ST6GALNAC6: variants seen among roughly 807,000 people sequenced by gnomAD.
ST6GALNAC6 encodes alpha-N-acetylgalactosaminide alpha-2,6-sialyltransferase 6.
A neutral mutation model predicts 34.3 loss-of-function variants in ST6GALNAC6; 19 were observed. That is an observed-to-expected ratio of 0.55 (90% confidence interval 0.39 to 0.81). ST6GALNAC6 has a LOEUF of 0.81. Ranked by LOEUF, ST6GALNAC6 falls within the 40% of genes least tolerant of loss-of-function variation. ST6GALNAC6 has a pLI of 0.00. For missense variants in ST6GALNAC6, 377 were observed against 467.7 expected, an observed-to-expected ratio of 0.81 and a Z score of 1.79; for synonymous variants, 185 against 182.1, an observed-to-expected ratio of 1.02 and a Z score of -0.13.
At chr9:127,893,081 C>T (rs12551437) in intron 4 of ST6GALNAC6, among the ~76,000 whole-genome samples, 6,237 of 152,174 alleles carry the variant, frequency 0.041, 150 homozygotes, top group South Asian at 0.087. Flanking sequence ...AGAAGCTGTC[C>T]GGCTGTAACA....
At chr9:127,902,169 T>A (rs1250924418), upstream of ST6GALNAC6, among the ~76,000 whole-genome samples, 3 of 152,186 alleles carry the variant, frequency 2.0e-5, no homozygotes, top group African/African-American at 7.2e-5. Context: ...GGTTTTTTGT[T>A]TTTTATTGAG....
chr9:127,902,890 A>C (rs1830807515), upstream of ST6GALNAC6: 1 of 150,028 alleles, frequency 6.7e-6, no homozygotes, highest in Non-Finnish European at 1.5e-5. Flanking sequence ...CACCCAGCCC[A>C]CACAATTTTT....
intron 4 of ST6GALNAC6, among the ~76,000 whole-genome samples, chr9:127,891,362 T>C (rs1830123639): frequency 1.3e-5 from 2 of 152,216 alleles, no homozygotes; most frequent in Admixed American, 6.5e-5. Context: ...ATGCCTGTAA[T>C]CCCAGCACTT....
chr9:127,905,311 G>A (rs1830889116), exon 1 of ST6GALNAC6: 1 of 985,424 alleles, frequency 1.0e-6, no homozygotes, highest in Non-Finnish European at 1.2e-6. Flanking sequence ...ACCTGTCAAG[G>A]ATCATCTCCA....
At chr9:127,886,876 C>A in intron 6 of ST6GALNAC6, 88 bp from the exon 7 acceptor site, 2 of 1,347,980 alleles carry the variant, frequency 1.5e-6, no homozygotes, top group Non-Finnish European at 2.0e-6. Flanking sequence ...CATAGGACCT[C>A]AATAGGAGAA....
At chr9:127,898,379 G>A (rs570472309) in intron 1 of ST6GALNAC6, among the ~76,000 whole-genome samples, 1 of 152,074 alleles carries the variant, frequency 6.6e-6, no homozygotes, top group East Asian at 1.9e-4. Context: ...GCGACAGAGC[G>A]AGACTCCGTC....
At position 127,896,310 on chromosome 9, in the gene ST6GALNAC6, G is replaced by C; in HGVS notation, c.49C>G (p.Pro17Ala). Reference protein sequence around the residue: ...PSQCEPTSLPPGPPAGRRHLP... With the variant: ...PSQCEPTSLPAGPPAGRRHLP... The stretch of plus-strand genomic sequence containing the variant: ...TGTCGGCGTCCTGCAGGTGGCCCTG[G>C]GGGCAGGGATGTGGGTTCACACCTG... The change falls in exon 3 of 7, where the codon CCA becomes GCA. Residue 17 changes from proline (P) to alanine (A), a missense_variant. Physicochemically the swap from Pro to Ala is conservative, Grantham distance 27 (BLOSUM62 -1). Transcript: ENST00000373146. 1 of 1,613,596 alleles carries C rather than the reference G, an allele frequency of 6.2e-7. No individual in the cohort carries two copies. The highest frequency in any genetic ancestry group is 1.1e-5 in the South Asian group (1 of 91,008).
chr9:127,903,214 G>A (rs1277503213), upstream of ST6GALNAC6: 1 of 151,272 alleles, frequency 6.6e-6, no homozygotes, highest in South Asian at 2.1e-4. Context: ...AGCCAGGATG[G>A]TCTCCATCTC....
chr9:127,906,588 G>A (rs1057090392), upstream of ST6GALNAC6, among the ~76,000 whole-genome samples: 12 of 152,162 alleles, frequency 7.9e-5, 1 homozygote, highest in Admixed American at 5.2e-4. Flanking sequence ...TGTAAAACCA[G>A]CTAGCACCAG....
upstream of ST6GALNAC6, chr9:127,904,057 A>G (rs1278936412): frequency 3.3e-5 from 5 of 152,192 alleles, no homozygotes; most frequent in Admixed American, 6.5e-5. Flanking sequence ...AACCATCTCA[A>G]TAACAGTAAT....
At chr9:127,902,216 C>T (rs1830781677), upstream of ST6GALNAC6, among the ~76,000 whole-genome samples, 1 of 151,708 alleles carries the variant, frequency 6.6e-6, no homozygotes, top group African/African-American at 2.4e-5. Flanking sequence ...TGGAGTGCAA[C>T]GGTTCAATCT....
chr9:127,906,007 C>A, upstream of ST6GALNAC6: 1 of 985,738 alleles, frequency 1.0e-6, no homozygotes, highest in Non-Finnish European at 1.2e-6. Context: ...CTTGCTTCGC[C>A]AGCTCAGGGC....
rs565298864 is a variant in ST6GALNAC6 at position 127,887,683 on chromosome 9, C to T, written c.705-92G>A. The T allele has an allele frequency of 4.9e-6, 5 of 1,017,374 alleles. No individual in the cohort carries two copies. The South Asian group carries it at 7.1e-5, about 14-fold the overall frequency. The allele number at this position is 1,017,374 out of a possible 1,614,324, so 63.0% of individuals were successfully genotyped here. On this transcript the variant is annotated intron_variant, in intron 5 of 6. Coordinates refer to ENST00000373146, the MANE Select transcript of ST6GALNAC6 (RefSeq NM_013443.5). ...CACCCACGTGGAGTTCCCTGGAACT[C>T]CTCCCATCCACTCATCAGGGCCCCA... is the stretch of plus-strand genomic sequence containing the variant.
At chr9:127,897,092 G>C in intron 2 of ST6GALNAC6, 3 of 899,682 alleles carry the variant, frequency 3.3e-6, no homozygotes, top group Non-Finnish European at 4.0e-6. Context: ...GGGGTGGCTG[G>C]GGGGGCCTTT....
At position 127,886,593 on chromosome 9, in the gene ST6GALNAC6, G is replaced by T; in HGVS notation, c.*6C>A. 6.2e-7 allele frequency: 1 copy of T among 1,613,734 alleles called. No individual in the cohort carries two copies. Among genetic ancestry groups the T allele is most frequent in the Non-Finnish European group, 8.5e-7 (1 of 1,179,836 alleles). ...GACCCTCCTGAGGTCCCACAGGCTG[G>T]GTGGCCTAGGTCCAGGAGGGGTGGG... On this transcript the variant is annotated 3_prime_UTR_variant, in exon 7 of 7. Coordinates refer to ENST00000373146, the MANE Select transcript of ST6GALNAC6 (RefSeq NM_013443.5).
intron 2 of ST6GALNAC6, chr9:127,897,204 C>T (rs1288708538): frequency 2.0e-5 from 20 of 985,702 alleles, no homozygotes; most frequent in Non-Finnish European, 2.4e-5. Context: ...GGTTCCCCAC[C>T]TGTGAAAGGG....
chr9:127,894,574 G>T lies in ST6GALNAC6; in HGVS notation c.235C>A (p.Arg79=). The T allele has an allele frequency of 1.2e-6, 2 of 1,614,180 alleles. No homozygotes were observed. Among genetic ancestry groups the T allele is most frequent in the Non-Finnish European group, 1.7e-6 (2 of 1,180,040 alleles). The part of the protein sequence containing the change: ...HYGSLRGRSR[R]PVNLKKWSIT... ...CTCCACTTCTTGAGGTTGACAGGTCGGCGGCTACGGCCCCGCAGGGAGCCG... is the reference window on the plus strand; with the variant it reads ...CTCCACTTCTTGAGGTTGACAGGTCTGCGGCTACGGCCCCGCAGGGAGCCG... Residue 79 remains arginine (R), a synonymous_variant, in exon 4 of 7, where the codon CGA becomes AGA. Transcript: ENST00000373146.
At chr9:127,895,154 G>A (rs1281304075) in intron 3 of ST6GALNAC6, among the ~76,000 whole-genome samples, 1 of 152,216 alleles carries the variant, frequency 6.6e-6, no homozygotes, top group Non-Finnish European at 1.5e-5. Flanking sequence ...TGTCTGCTCT[G>A]TGGAAATGGA....
chr9:127,898,214 G>T (rs981487116), intron 1 of ST6GALNAC6, among the ~76,000 whole-genome samples: 5 of 152,088 alleles, frequency 3.3e-5, no homozygotes, highest in Non-Finnish European at 1.5e-5. Flanking sequence ...CCAATATGGT[G>T]AAACCCCGTC....
Sources: allele counts gnomAD v4.1 joint callset (sites outside exome capture counted in the v4.1 genomes callset), GRCh38; gene constraint gnomAD v4.1.1; transcripts MANE v1.5; gene names NCBI Gene and HGNC (gene_info 2026-07-23, HGNC 2026-07-21).